AGBL5: variants seen among roughly 807,000 people sequenced by gnomAD.
AGBL5 encodes the protein AGBL carboxypeptidase 5, also known as cytosolic carboxypeptidase-like protein 5.
AGBL5 carries 51 observed loss-of-function variants against 88.0 expected under a neutral mutation model. The ratio of observed to expected loss-of-function variants is 0.58; its 90% confidence interval spans 0.46 to 0.73. The LOEUF (loss-of-function observed/expected upper bound fraction) is 0.73. Ranked by LOEUF, AGBL5 falls within the 30% of genes least tolerant of loss-of-function variation. The pLI is 0.00. For synonymous variants in AGBL5, 446 were observed against 438.8 expected (o/e 1.02, Z -0.21); for missense variants, 1,031 against 1,162.2 (o/e 0.89, Z 1.64).
rs771255981 is a variant in AGBL5, at chr2:27,056,717, G to A, written c.1460G>A (p.Arg487Gln). 3.2e-5 allele frequency: 52 copies of A among 1,613,776 alleles called. No individual in the cohort carries two copies. The East Asian group carries it at 1.0e-3, about 32-fold the overall frequency. ...TTCTCAGAGAAGAATATGTATGCCCGAGACCGTAGAGATGGCCAGTCTAAA... is the reference window on the plus strand; with the variant it reads ...TTCTCAGAGAAGAATATGTATGCCCAAGACCGTAGAGATGGCCAGTCTAAA... ...CNFSEKNMYARDRRDGQSKEG... is the reference protein window; with the variant it reads ...CNFSEKNMYAQDRRDGQSKEG... The change falls in exon 8 of 15, where the codon CGA (arginine) becomes CAA (glutamine). Residue 487 changes from arginine (R) to glutamine (Q), a missense_variant. Arg to Gln is a conservative substitution (Grantham distance 43, BLOSUM62 1). Transcript: ENST00000360131.
chr2:27,067,230 T>C lies in AGBL5; in HGVS notation c.2090-264T>C, dbSNP rs116094012. On this transcript the variant is annotated intron_variant, in intron 11 of 14. Transcript: ENST00000360131. Reference sequence around the variant, plus strand: ...CGTGCCATTGTGCACTTCTTCAGCCTGGATGACAGAGTGGAAACCTTTAAA... The same window carrying C: ...CGTGCCATTGTGCACTTCTTCAGCCCGGATGACAGAGTGGAAACCTTTAAA... 7.0e-3 allele frequency among the ~76,000 whole-genome samples: 977 copies of C among 139,160 alleles called. 7 individuals carry two copies. The highest frequency in any genetic ancestry group is 0.026 in the African/African-American group (937 of 36,578). 91.3% of individuals were successfully genotyped at this position (139,160 alleles called of 152,430 possible).
chr2:27,053,391 C>T lies in AGBL5; in HGVS notation c.216-11C>T. Reference sequence around the variant, plus strand: ...CACACGTAATGACCTCTCTCTTACTCTGGTCCTCAGGTCATGGTTCTACTT... The same window carrying T: ...CACACGTAATGACCTCTCTCTTACTTTGGTCCTCAGGTCATGGTTCTACTT... On this transcript the variant is annotated splice_polypyrimidine_tract_variant and intron_variant, in intron 2 of 14. Transcript: ENST00000360131. This position sits in a 1 kb window ranked among gnomAD's most constrained non-coding sequence, Gnocchi z 4.9. 2 of 1,613,532 alleles carry T rather than the reference C, an allele frequency of 1.2e-6. No homozygotes were observed. Among genetic ancestry groups the T allele is most frequent in the Non-Finnish European group, 1.7e-6 (2 of 1,179,706 alleles).
In AGBL5 at chr2:27,055,682, C is replaced by G; in HGVS notation, c.909C>G (p.Arg303=). The change falls in exon 7 of 15, where the codon CGC becomes CGG. Residue 303 remains arginine, a splice_region_variant and synonymous_variant. Coordinates refer to ENST00000360131, the MANE Select transcript of AGBL5 (RefSeq NM_021831.6). The part of the protein sequence containing the change: ...NPDGVVRGHY[R]TDSRGVNLNR... ...TGCTTCAGTCCTTGTTTTCCTACAG[C>G]ACAGACTCACGTGGAGTGAATCTGA... is the stretch of plus-strand genomic sequence containing the variant. The G allele has an allele frequency of 6.2e-7, 1 of 1,611,112 alleles. No individual in the cohort carries two copies. The highest frequency in any genetic ancestry group is 8.5e-7 in the Non-Finnish European group (1 of 1,177,922).
chr2:27,067,746 C>T, intron 12 of AGBL5, 100 bp downstream of exon 12: 1 of 1,307,618 alleles, frequency 7.6e-7, no homozygotes, highest in Non-Finnish European at 1.1e-6. Flanking sequence ...ATCACTTATC[C>T]TCTTGGTATC....
chr2:27,063,464 G>A (rs1226093780), intron 11 of AGBL5, among the ~76,000 whole-genome samples: 2 of 152,078 alleles, frequency 1.3e-5, no homozygotes, highest in Non-Finnish European at 2.9e-5. Flanking sequence ...GTGTGGTGGT[G>A]GGTGCCTGTA....
At chr2:27,057,087 A>T in intron 8 of AGBL5, 1 of 565,598 alleles carries the variant, frequency 1.8e-6, no homozygotes, top group Non-Finnish European at 3.0e-6. Context: ...CACAATTAGC[A>T]TTATTGTCTT....
Position 27,058,384 on chromosome 2 carries a change from C to T in AGBL5, c.1672-16C>T. On this transcript the variant is annotated splice_polypyrimidine_tract_variant and intron_variant, in intron 9 of 14. Transcript: ENST00000360131. ...GGGAGGACCAGCATGCTGAGCCAAACTGGACTACCCCACAGGTGGGACGAG... is the reference window on the plus strand; with the variant it reads ...GGGAGGACCAGCATGCTGAGCCAAATTGGACTACCCCACAGGTGGGACGAG... 6.2e-7 allele frequency: 1 copy of T among 1,612,550 alleles called. No homozygotes were observed. Among genetic ancestry groups the T allele is most frequent in the East Asian group, 2.2e-5 (1 of 44,890 alleles).
chr2:27,050,822 A>T (rs773414548), upstream of AGBL5, among the ~76,000 whole-genome samples: 1 of 152,178 alleles, frequency 6.6e-6, no homozygotes, highest in Admixed American at 6.5e-5. Flanking sequence ...ACTGTAGTGG[A>T]TAGGGCGTGG....
chr2:27,064,299 CTTTT>C (rs3072663), intron 11 of AGBL5, among the ~76,000 whole-genome samples: 9 of 138,968 alleles, frequency 6.5e-5, no homozygotes, highest in Admixed American at 2.2e-4. Flanking sequence ...TTGTTTTTGA[CTTTT>C]TTTTTTTTTT....
In AGBL5 at chr2:27,067,819, TAAAAC is replaced by T. The variant is rs1326904891; in HGVS notation, c.2242+176_2242+180del. The T allele has an allele frequency of 6.6e-6, 5 of 752,766 alleles. No individual in the cohort carries two copies. In the African/African-American group the frequency reaches 8.6e-5, roughly 13 times the overall value. 46.6% of individuals were successfully genotyped at this position (752,766 alleles called of 1,614,324 possible). A position where few individuals can be genotyped will look rare whatever the true frequency, so the allele number is the denominator to read the frequency against. ...GGAATTTATTAATGTGTCTGTGTAA[TAAAAC>T]AATAGTTAACATTTACTGAACATTT... On this transcript the variant is annotated intron_variant, in intron 12 of 14. Coordinates refer to ENST00000360131, the MANE Select transcript of AGBL5 (RefSeq NM_021831.6).
At position 27,067,490 on chromosome 2, in the gene AGBL5, T is replaced by C. The variant is rs1454058472; in HGVS notation, c.2090-4T>C. On this transcript the variant is annotated splice_region_variant and splice_polypyrimidine_tract_variant and intron_variant, in intron 11 of 14. Transcript: ENST00000360131. ...TTTTATCTGCTTGTATCTCTTCCAC[T>C]CAGAGCCCCGAAGCCAGGACAGGAG... 5.0e-6 allele frequency: 8 copies of C among 1,613,550 alleles called. No homozygotes were observed. The highest frequency in any genetic ancestry group is 2.2e-5 in the East Asian group (1 of 44,838).
chr2:27,070,328 G>A lies in AGBL5; in HGVS notation c.*65G>A. 2 of 1,520,724 alleles carry A rather than the reference G, an allele frequency of 1.3e-6. No homozygotes were observed. The highest frequency in any genetic ancestry group is 3.4e-5 in the Admixed American group (2 of 59,138). 94.2% of individuals were successfully genotyped at this position (1,520,724 alleles called of 1,614,324 possible). ...TGGGGTAACAGTGGGAAATATGCTA[G>A]TTCCCCTCCAGGCCGCTGATTCCAT... is the stretch of plus-strand genomic sequence containing the variant. On this transcript the variant is annotated 3_prime_UTR_variant, in exon 15 of 15. Transcript: ENST00000360131.
At chr2:27,064,264 C>T (rs1668867156) in intron 11 of AGBL5, among the ~76,000 whole-genome samples, 1 of 139,010 alleles carries the variant, frequency 7.2e-6, no homozygotes, top group Admixed American at 7.3e-5. Context: ...GTGCCAACAA[C>T]TCTCACTAGC....
At chr2:27,059,639 G>C (rs952823372) in intron 11 of AGBL5, 2 of 929,722 alleles carry the variant, frequency 2.2e-6, no homozygotes, top group Non-Finnish European at 3.1e-6. Context: ...TTCAGTGCAT[G>C]CTAGGAGCCA....
At chr2:27,068,125 T>G (rs1278978268) in intron 12 of AGBL5, among the ~76,000 whole-genome samples, 1 of 152,226 alleles carries the variant, frequency 6.6e-6, no homozygotes, top group Non-Finnish European at 1.5e-5. Flanking sequence ...GGAATGATTT[T>G]AAGACTCTAG....
intron 11 of AGBL5, 37 bp downstream of exon 11, chr2:27,059,441 G>C (rs1668600889): frequency 4.3e-6 from 7 of 1,612,092 alleles, no homozygotes; most frequent in Non-Finnish European, 5.9e-6. Flanking sequence ...CATGTGTTCG[G>C]TTGTCTGGGG....
upstream of AGBL5, among the ~76,000 whole-genome samples, chr2:27,050,724 C>A (rs1221858849): frequency 6.6e-6 from 1 of 152,208 alleles, no homozygotes. Flanking sequence ...GGGGTCATGG[C>A]TGGATGAGGT....
At chr2:27,060,912 G>C (rs942984661) in intron 11 of AGBL5, 5 of 152,230 alleles carry the variant, frequency 3.3e-5, no homozygotes, top group Admixed American at 1.3e-4. Flanking sequence ...CTATGGGATG[G>C]ATGTTGTTTC....
chr2:27,054,193 C>T, intron 4 of AGBL5, 134 bp downstream of exon 4: 1 of 1,100,242 alleles, frequency 9.1e-7, no homozygotes, highest in South Asian at 1.7e-5. Flanking sequence ...ACAGACAGGA[C>T]TTTGGGTACC....
Sources: gnomAD v4.1 joint callset for allele counts (sites outside exome capture counted in the v4.1 genomes callset) on GRCh38, gnomAD v4.1.1 for gene constraint, Gnocchi (gnomAD v3.1) non-coding constraint, MANE v1.5 for transcripts, NCBI Gene and HGNC (gene_info 2026-07-23, HGNC 2026-07-21) for gene names.